FAR2: variants seen among roughly 807,000 people sequenced by gnomAD.
FAR2 encodes the protein epididymis secretory protein Li 81.
Under a neutral mutation model 56.0 loss-of-function variants are expected in FAR2, and 19 were observed. The observed-to-expected ratio is 0.34, with a 90% confidence interval of 0.24 to 0.50. FAR2 has a LOEUF of 0.50. Ranked by LOEUF, FAR2 falls within the 20% of genes least tolerant of loss-of-function variation. FAR2 has a pLI of 0.98. For synonymous variants in FAR2, 219 were observed against 218.8 expected (o/e 1.00, Z -0.01); for missense variants, 508 against 642.2 (o/e 0.79, Z 2.26).
At chr12:29,233,562 T>G (rs1947892016) in intron 1 of FAR2, among the ~76,000 whole-genome samples, 1 of 152,198 alleles carries the variant, frequency 6.6e-6, no homozygotes, top group Non-Finnish European at 1.5e-5. Flanking sequence ...TATTTGTATT[T>G]ACACCAAATT....
At chr12:29,333,455 C>T in intron 11 of FAR2, 177 bp from the exon 12 acceptor site, 1 of 584,732 alleles carries the variant, frequency 1.7e-6, no homozygotes, top group East Asian at 2.7e-5. Context: ...TCTGACTATT[C>T]AGCAAGAATG....
intron 1 of FAR2, among the ~76,000 whole-genome samples, chr12:29,269,501 A>T (rs938501558): frequency 2.0e-5 from 3 of 152,232 alleles, no homozygotes. Flanking sequence ...CTGAGGCGAC[A>T]TACATCCTCC....
At chr12:29,277,439 C>G (rs749797975) in intron 2 of FAR2, 2 of 152,156 alleles carry the variant, frequency 1.3e-5, no homozygotes, top group Non-Finnish European at 2.9e-5. Context: ...GTATGTCAGG[C>G]ACTTATTGCT....
chr12:29,284,085 C>CT (rs1948831064), intron 2 of FAR2, among the ~76,000 whole-genome samples: 1 of 152,136 alleles, frequency 6.6e-6, no homozygotes, highest in Admixed American at 6.5e-5. Context: ...TGCTAATAAT[C>CT]TACTCTCAAT....
At chr12:29,237,045 G>C (rs1565482943) in intron 1 of FAR2, among the ~76,000 whole-genome samples, 4 of 152,080 alleles carry the variant, frequency 2.6e-5, no homozygotes, top group Non-Finnish European at 5.9e-5. Flanking sequence ...TAAAGATAAA[G>C]ACTTCCAAGC....
chr12:29,310,935 T>C lies in FAR2; in HGVS notation c.769-93T>C, dbSNP rs543873670. 1.1e-4 allele frequency: 99 copies of C among 901,136 alleles called. 1 individual carries two copies. The South Asian group carries it at 1.2e-3, about 11-fold the overall frequency. The allele number at this position is 901,136 out of a possible 1,614,324, so 55.8% of individuals were successfully genotyped here. A position where few individuals can be genotyped will look rare whatever the true frequency, so the allele number is the denominator to read the frequency against. On this transcript the variant is annotated intron_variant, in intron 6 of 11. Transcript: ENST00000536681. ...GATCAATGTTAGCTGTTTTCACTTA[T>C]TGCACTAGTATAACCAGTTTGATGA...
At chr12:29,330,070 T>G (rs1949709022) in intron 10 of FAR2, among the ~76,000 whole-genome samples, 1 of 151,086 alleles carries the variant, frequency 6.6e-6, no homozygotes, top group African/African-American at 2.4e-5. Flanking sequence ...TTTTTTTTTT[T>G]TTTTGAGACC....
intron 10 of FAR2, among the ~76,000 whole-genome samples, chr12:29,323,997 GAAA>G (rs1197213961): frequency 6.6e-6 from 1 of 150,746 alleles, no homozygotes; most frequent in African/African-American, 2.4e-5. Context: ...TAAAAACTTT[GAAA>G]AAAAAATTAG....
At chr12:29,313,864 T>C (rs552864278) in intron 8 of FAR2, among the ~76,000 whole-genome samples, 107 of 152,332 alleles carry the variant, frequency 7.0e-4, no homozygotes, top group Non-Finnish European at 1.3e-3. Flanking sequence ...TTCTACTGCA[T>C]TGATATATTG....
chr12:29,285,949 A>T (rs914795822), intron 2 of FAR2, among the ~76,000 whole-genome samples: 32 of 152,036 alleles, frequency 2.1e-4, no homozygotes, highest in Non-Finnish European at 1.5e-4. Flanking sequence ...TAATTTCATT[A>T]AAAAAAGTTA....
intron 1 of FAR2, among the ~76,000 whole-genome samples, chr12:29,259,791 G>C (rs1271484926): frequency 6.6e-6 from 1 of 152,130 alleles, no homozygotes; most frequent in Non-Finnish European, 1.5e-5. Context: ...AAAATACGCA[G>C]ACTCACTCTC....
At chr12:29,309,504 G>A (rs1949310400) in intron 6 of FAR2, among the ~76,000 whole-genome samples, 1 of 152,044 alleles carries the variant, frequency 6.6e-6, no homozygotes, top group Non-Finnish European at 1.5e-5. Flanking sequence ...CTTTTCTTTA[G>A]TTACCACAAG....
chr12:29,279,750 T>C (rs1252785851), intron 2 of FAR2, among the ~76,000 whole-genome samples: 1 of 152,124 alleles, frequency 6.6e-6, no homozygotes, highest in Non-Finnish European at 1.5e-5. Context: ...CTAGATACTC[T>C]CTCCTCAATC....
Position 29,180,762 on chromosome 12 carries a change from T to TATCTATC in FAR2, c.-39+31356_-39+31362dup, listed in dbSNP as rs1555178476. 1.3e-4 allele frequency among the ~76,000 whole-genome samples: 20 copies of TATCTATC among 151,776 alleles called. No individual in the cohort carries two copies. In the South Asian group the frequency reaches 2.7e-3, roughly 21 times the overall value. ...CTATCTATCTATCTATCTATCTATC[T>TATCTATC]ATCTATCTATTCTCTATCTGTAAAA... On this transcript the variant is annotated intron_variant, in intron 1 of 11. Transcript: ENST00000536681.
At chr12:29,308,029 A>G (rs1949281696) in intron 5 of FAR2, 194 bp downstream of exon 5, 1 of 548,042 alleles carries the variant, frequency 1.8e-6, no homozygotes, top group Non-Finnish European at 3.1e-6. Flanking sequence ...CTCCTCTGGC[A>G]GTTATCTTGA....
At chr12:29,225,998 T>C (rs1947763173) in intron 1 of FAR2, among the ~76,000 whole-genome samples, 1 of 152,220 alleles carries the variant, frequency 6.6e-6, no homozygotes, top group African/African-American at 2.4e-5. Context: ...GTTCTTGCTC[T>C]TTCTCCCAGC....
chr12:29,214,831 G>GATAACA (rs1555109663), intron 1 of FAR2, among the ~76,000 whole-genome samples: 1 of 149,888 alleles, frequency 6.7e-6, no homozygotes, highest in African/African-American at 2.5e-5. Context: ...AAAATAAAAT[G>GATAACA]ATAATAATAA....
intron 2 of FAR2, among the ~76,000 whole-genome samples, chr12:29,279,829 T>C (rs142937310): frequency 1.8e-3 from 280 of 152,320 alleles, no homozygotes; most frequent in Admixed American, 4.8e-3. Context: ...GTTTTTATTA[T>C]TCATAAACTG....
chr12:29,257,331 C>G (rs571030717), intron 1 of FAR2, among the ~76,000 whole-genome samples: 224 of 152,174 alleles, frequency 1.5e-3, no homozygotes, highest in African/African-American at 5.3e-3. Flanking sequence ...CTGGTGGGGA[C>G]GTGGAGAACC....
Sources: allele counts gnomAD v4.1 joint callset (sites outside exome capture counted in the v4.1 genomes callset), GRCh38; gene constraint gnomAD v4.1.1; transcripts MANE v1.5; gene names NCBI Gene and HGNC (gene_info 2026-07-23, HGNC 2026-07-21).